The following PRKN variants were observed in gnomAD, a reference collection of about 807,000 sequenced individuals.
PRKN encodes the protein E3 ubiquitin-protein ligase parkin.
A neutral mutation model predicts 59.5 loss-of-function variants in PRKN; 56 were observed. The observed-to-expected ratio is 0.94, with a 90% confidence interval of 0.76 to 1.18. The LOEUF (loss-of-function observed/expected upper bound fraction) is 1.18, where lower values mean the gene tolerates loss of function less well. PRKN is among the 50% of genes most tolerant of loss of function. PRKN has a pLI of 0.00. For synonymous variants in PRKN, 250 were observed against 222.1 expected (o/e 1.13, Z -1.12); for missense variants, 657 against 596.4 (o/e 1.10, Z -1.06).
intron 6 of PRKN, among the ~76,000 whole-genome samples, chr6:161,925,754 CA>C (rs1778946474): frequency 6.6e-6 from 1 of 152,070 alleles, no homozygotes; most frequent in East Asian, 1.9e-4. Flanking sequence ...AATCCAATCA[CA>C]ATATGAATGA....
At chr6:162,081,932 T>C (rs1285337566) in intron 4 of PRKN, among the ~76,000 whole-genome samples, 1 of 152,148 alleles carries the variant, frequency 6.6e-6, no homozygotes, top group Non-Finnish European at 1.5e-5. Flanking sequence ...GAACTTGAAC[T>C]GTGATGGAGA....
At chr6:162,358,617 C>T (rs983906664) in intron 2 of PRKN, among the ~76,000 whole-genome samples, 1 of 152,074 alleles carries the variant, frequency 6.6e-6, no homozygotes, top group African/African-American at 2.4e-5. Flanking sequence ...TGAAATAGTT[C>T]TAGTAGATAA....
chr6:161,741,075 A>G (rs76858028), intron 7 of PRKN, among the ~76,000 whole-genome samples: 3,945 of 152,346 alleles, frequency 0.026, 181 homozygotes, highest in African/African-American at 0.091. Flanking sequence ...GTGTGTCCAC[A>G]GCCATACATT....
rs994379530 is a variant in PRKN, at chr6:161,391,645, G to A, written c.1084-4768C>T. 6.6e-6 allele frequency among the ~76,000 whole-genome samples: 1 copy of A among 151,926 alleles called. No homozygotes were observed. Among genetic ancestry groups the A allele is most frequent in the African/African-American group, 2.4e-5 (1 of 41,296 alleles). On this transcript the variant is annotated intron_variant, in intron 9 of 11. Coordinates refer to ENST00000366898, the MANE Select transcript of PRKN (RefSeq NM_004562.3). The surrounding 1 kb of genome is among the most constrained non-coding windows in gnomAD (Gnocchi z 4.9). ...GTTACTCAAGCAGACACTAATCTTG[G>A]TGTTTCTGTGAAGCTTTCTTGTAGA...
intron 6 of PRKN, among the ~76,000 whole-genome samples, chr6:161,821,716 GTTCTTTTTTTTTTTTTTTTTTTTTT>G (rs1792034819): frequency 1.4e-5 from 1 of 72,572 alleles, no homozygotes; most frequent in African/African-American, 5.1e-5. Context: ...TTCCACTGGT[GTTCTTTTTTTTTTTTTTTTTTTTTT>G]TTTTTTTTTT....
chr6:162,360,232 C>T (rs972548489), intron 2 of PRKN, among the ~76,000 whole-genome samples: 38 of 152,184 alleles, frequency 2.5e-4, no homozygotes, highest in East Asian at 1.5e-3. Flanking sequence ...GTGCAACTTA[C>T]GGTCCATTTA....
chr6:162,300,650 A>G (rs549439239), intron 2 of PRKN, among the ~76,000 whole-genome samples: 1 of 152,158 alleles, frequency 6.6e-6, no homozygotes, highest in African/African-American at 2.4e-5. Flanking sequence ...GTTAACCTTT[A>G]TCGGGCAAGC....
intron 7 of PRKN, among the ~76,000 whole-genome samples, chr6:161,743,213 CTTTTT>C (rs768890758): frequency 1.1e-4 from 9 of 84,572 alleles, no homozygotes; most frequent in East Asian, 9.0e-4. Context: ...TGGTTTCTAC[CTTTTT>C]TTTTTTTTTT....
rs1440027072 is a variant in PRKN at position 161,364,490 on chromosome 6, A to G, written c.1168-4285T>C. 7.3e-5 allele frequency among the ~76,000 whole-genome samples: 11 copies of G among 151,128 alleles called. No individual in the cohort carries two copies. In the East Asian group the frequency reaches 1.7e-3, roughly 24 times the overall value. On this transcript the variant is annotated intron_variant, in intron 10 of 11. Coordinates refer to ENST00000366898, the MANE Select transcript of PRKN (RefSeq NM_004562.3). Reference sequence around the variant, plus strand: ...CCGCCCCGCAAAAAAAAAAAAAAAAAAAAAAAAAAGAAACATGGAAATAGG... The same window carrying G: ...CCGCCCCGCAAAAAAAAAAAAAAAAGAAAAAAAAAGAAACATGGAAATAGG...
At chr6:162,578,120 A>T (rs1002260186) in intron 1 of PRKN, among the ~76,000 whole-genome samples, 2 of 152,176 alleles carry the variant, frequency 1.3e-5, no homozygotes, top group Non-Finnish European at 2.9e-5. Context: ...AATTCAACTC[A>T]TAGGGGTTTA....
intron 6 of PRKN, among the ~76,000 whole-genome samples, chr6:161,828,408 A>G (rs1309923022): frequency 6.6e-6 from 1 of 152,174 alleles, no homozygotes; most frequent in Non-Finnish European, 1.5e-5. Context: ...TCTGTGGTTC[A>G]GGGTCTTCAC....
In PRKN at chr6:161,473,290, T is replaced by C. The variant is rs1482036470; in HGVS notation, c.1083+75564A>G. On this transcript the variant is annotated intron_variant, in intron 9 of 11. Coordinates refer to ENST00000366898, the MANE Select transcript of PRKN (RefSeq NM_004562.3). The surrounding 1 kb of genome is among the most constrained non-coding windows in gnomAD (Gnocchi z 4.1). ...ATGGATAAAGAAATTGTGGAATATATTATATACATATATATTAGGGAGAGG... is the reference window on the plus strand; with the variant it reads ...ATGGATAAAGAAATTGTGGAATATACTATATACATATATATTAGGGAGAGG... Among the ~76,000 whole-genome samples the C allele has an allele frequency of 1.3e-5, 2 of 151,514 alleles. No individual in the cohort carries two copies. The highest frequency in any genetic ancestry group is 2.9e-5 in the Non-Finnish European group (2 of 67,918).
chr6:161,515,669 T>A (rs145605196), intron 9 of PRKN, among the ~76,000 whole-genome samples: 1 of 152,192 alleles, frequency 6.6e-6, no homozygotes, highest in East Asian at 1.9e-4. Context: ...TAAAATTGAG[T>A]ACACTGCCAT....
chr6:161,959,891 C>T lies in PRKN; in HGVS notation c.734+13411G>A, dbSNP rs61518205. Among the ~76,000 whole-genome samples the T allele has an allele frequency of 7.7e-3, 1,174 of 152,218 alleles. 15 individuals carry two copies. The highest frequency in any genetic ancestry group is 0.027 in the African/African-American group (1,142 of 41,530). Reference sequence around the variant, plus strand: ...TTAAAGTCACAGTGATTGATCTGCCCCCAGTCAGACAATGAAATCGGTGGT... The same window carrying T: ...TTAAAGTCACAGTGATTGATCTGCCTCCAGTCAGACAATGAAATCGGTGGT... On this transcript the variant is annotated intron_variant, in intron 6 of 11. Coordinates refer to ENST00000366898, the MANE Select transcript of PRKN (RefSeq NM_004562.3).
At chr6:162,158,721 G>A (rs1177001781) in intron 4 of PRKN, among the ~76,000 whole-genome samples, 10 of 152,010 alleles carry the variant, frequency 6.6e-5, no homozygotes, top group Non-Finnish European at 1.2e-4. Context: ...GTAAGCCACC[G>A]CGTCCAGCTG....
At chr6:162,530,570 T>A (rs542555057) in intron 1 of PRKN, among the ~76,000 whole-genome samples, 1 of 152,240 alleles carries the variant, frequency 6.6e-6, no homozygotes, top group Non-Finnish European at 1.5e-5. Flanking sequence ...AAGAACACAG[T>A]CTGCCTCCCT....
rs548377750 is a variant in PRKN at position 161,529,143 on chromosome 6, C to T, written c.1083+19711G>A. 1.3e-5 allele frequency among the ~76,000 whole-genome samples: 2 copies of T among 152,326 alleles called. No homozygotes were observed. The highest frequency in any genetic ancestry group is 4.8e-5 in the African/African-American group (2 of 41,580). On this transcript the variant is annotated intron_variant, in intron 9 of 11. Transcript: ENST00000366898. The surrounding 1 kb of genome is among the most constrained non-coding windows in gnomAD (Gnocchi z 4.4). Reference sequence around the variant, plus strand: ...TCTACGCTGCGTTCCTCTCCCTAGTCACCGCATGCCTTCCTGTTCCAGTGA... The same window carrying T: ...TCTACGCTGCGTTCCTCTCCCTAGTTACCGCATGCCTTCCTGTTCCAGTGA...
At chr6:161,729,453 G>A (rs937613119) in intron 7 of PRKN, among the ~76,000 whole-genome samples, 2 of 152,102 alleles carry the variant, frequency 1.3e-5, no homozygotes, top group Non-Finnish European at 2.9e-5. Flanking sequence ...TATTACATTT[G>A]ATTATTATAG....
At chr6:162,526,611 TA>T (rs35154184) in intron 1 of PRKN, among the ~76,000 whole-genome samples, 402 of 142,058 alleles carry the variant, frequency 2.8e-3, no homozygotes, top group Middle Eastern at 3.5e-3. Context: ...GATCGCGCTT[TA>T]AAAAAAAAAA....
Sources: gnomAD v4.1 joint callset for allele counts (sites outside exome capture counted in the v4.1 genomes callset) on GRCh38, gnomAD v4.1.1 for gene constraint, Gnocchi (gnomAD v3.1) non-coding constraint, MANE v1.5 for transcripts, NCBI Gene and HGNC (gene_info 2026-07-23, HGNC 2026-07-21) for gene names.